PTPRD: variants seen among roughly 807,000 people sequenced by gnomAD.
The protein encoded by PTPRD is receptor-type tyrosine-protein phosphatase delta.
In PTPRD, 34 loss-of-function variants were observed where a neutral mutation model predicts 214.5. That is an observed-to-expected ratio of 0.16 (90% CI 0.12 to 0.21). The LOEUF (loss-of-function observed/expected upper bound fraction) is 0.21. Ranked by LOEUF, PTPRD falls within the 10% of genes least tolerant of loss-of-function variation. The pLI is 1.00. For synonymous variants in PTPRD, 1,128 were observed against 845.7 expected, an observed-to-expected ratio of 1.33 and a Z score of -5.79; for missense variants, 2,545 against 2,398.7, an observed-to-expected ratio of 1.06 and a Z score of -1.27.
intron 5 of PTPRD, among the ~76,000 whole-genome samples, chr9:9,795,219 G>C (rs1430121470): frequency 9.2e-5 from 14 of 152,290 alleles, no homozygotes; most frequent in African/African-American, 2.6e-4. Context: ...CATGTATTTG[G>C]AGATCTGGAT....
At chr9:9,708,183 A>G (rs2097661577) in intron 7 of PTPRD, among the ~76,000 whole-genome samples, 1 of 151,338 alleles carries the variant, frequency 6.6e-6, no homozygotes. Flanking sequence ...TAGAAATAAT[A>G]TGTTTACAGA....
chr9:9,617,338 A>T (rs2094934874), intron 7 of PTPRD, among the ~76,000 whole-genome samples: 1 of 152,170 alleles, frequency 6.6e-6, no homozygotes, highest in African/African-American at 2.4e-5. Context: ...AGAGTTATGA[A>T]AAGATAATGT....
intron 12 of PTPRD, among the ~76,000 whole-genome samples, chr9:8,643,358 GAAGGAAGGAAGGAAGGCAGGAAGA>G (rs1490018468): frequency 3.3e-5 from 5 of 151,548 alleles, no homozygotes; most frequent in Admixed American, 3.3e-4. Context: ...GGGAGGGAGG[GAAGGAAGGAAGGAAGGCAGGAAGA>G]AAGAAAGGAA....
chr9:9,173,886 T>A (rs1231706753), intron 10 of PTPRD, among the ~76,000 whole-genome samples: 1 of 152,142 alleles, frequency 6.6e-6, no homozygotes. Flanking sequence ...TATCCCAATA[T>A]CTGCAGTGTC....
intron 10 of PTPRD, among the ~76,000 whole-genome samples, chr9:9,173,767 T>A (rs556457816): frequency 6.6e-6 from 1 of 152,158 alleles, no homozygotes; most frequent in Non-Finnish European, 1.5e-5. Flanking sequence ...AAAGCATGAC[T>A]CTATTTTAAA....
At chr9:9,467,959 T>G (rs2094330981) in intron 8 of PTPRD, among the ~76,000 whole-genome samples, 1 of 152,170 alleles carries the variant, frequency 6.6e-6, no homozygotes, top group African/African-American at 2.4e-5. Flanking sequence ...TACACATTTT[T>G]TTCCTGTAAT....
At chr9:10,096,852 C>T (rs1421985800) in intron 3 of PTPRD, among the ~76,000 whole-genome samples, 1 of 151,980 alleles carries the variant, frequency 6.6e-6, no homozygotes, top group Non-Finnish European at 1.5e-5. Context: ...AGGTTTTCTT[C>T]TAGGGTTTTT....
intron 11 of PTPRD, among the ~76,000 whole-genome samples, chr9:8,811,383 G>A (rs1465627827): frequency 6.6e-6 from 1 of 152,046 alleles, no homozygotes; most frequent in African/African-American, 2.4e-5. Flanking sequence ...ATGACCTCCA[G>A]CACCTGGGTT....
chr9:10,324,738 C>T (rs925787280), intron 3 of PTPRD, among the ~76,000 whole-genome samples: 8 of 151,934 alleles, frequency 5.3e-5, no homozygotes, highest in African/African-American at 1.9e-4. Flanking sequence ...TTTGTATAAC[C>T]ATTATTAGAT....
chr9:9,426,112 C>T (rs531247582), intron 8 of PTPRD, among the ~76,000 whole-genome samples: 9 of 152,216 alleles, frequency 5.9e-5, no homozygotes, highest in Middle Eastern at 3.4e-3. Context: ...GGTGAGGCAT[C>T]GCCTCACCCG....
intron 3 of PTPRD, among the ~76,000 whole-genome samples, chr9:10,191,680 G>GAA (rs2099364212): frequency 6.6e-6 from 1 of 152,102 alleles, no homozygotes; most frequent in African/African-American, 2.4e-5. Flanking sequence ...GTTGCTTAGT[G>GAA]ACCCTCTCGT....
At chr9:10,599,282 A>G (rs1161376453) in intron 2 of PTPRD, among the ~76,000 whole-genome samples, 6 of 151,782 alleles carry the variant, frequency 4.0e-5, no homozygotes, top group Non-Finnish European at 5.9e-5. Context: ...TTAAATGATT[A>G]TAATTGAGTT....
intron 9 of PTPRD, among the ~76,000 whole-genome samples, chr9:9,379,977 AT>A (rs2061745075): frequency 6.6e-6 from 1 of 151,860 alleles, no homozygotes; most frequent in African/African-American, 2.4e-5. Context: ...CAACAAAGAT[AT>A]TTTCATTTTT....
At chr9:10,481,376 C>T (rs1589141047) in intron 2 of PTPRD, among the ~76,000 whole-genome samples, 1 of 152,118 alleles carries the variant, frequency 6.6e-6, no homozygotes, top group Non-Finnish European at 1.5e-5. Flanking sequence ...ATTCAAATTA[C>T]AGCTAATCTG....
intron 14 of PTPRD, among the ~76,000 whole-genome samples, chr9:8,596,762 T>C (rs1218194493): frequency 6.6e-6 from 1 of 152,132 alleles, no homozygotes; most frequent in Non-Finnish European, 1.5e-5. Context: ...ATTTAATCCT[T>C]ATCTAAGCTA....
intron 8 of PTPRD, among the ~76,000 whole-genome samples, chr9:9,491,622 T>C (rs1287633835): frequency 6.6e-6 from 1 of 151,914 alleles, no homozygotes; most frequent in Non-Finnish European, 1.5e-5. Flanking sequence ...AATTTAGAAG[T>C]TAAAAACACA....
At chr9:10,325,194 T>A (rs988675406) in intron 3 of PTPRD, among the ~76,000 whole-genome samples, 4 of 151,976 alleles carry the variant, frequency 2.6e-5, no homozygotes, top group Non-Finnish European at 4.4e-5. Context: ...AGATTCTGTT[T>A]CAGTAAGTGT....
chr9:10,410,229 G>C (rs536849907), intron 2 of PTPRD, among the ~76,000 whole-genome samples: 1 of 126,720 alleles, frequency 7.9e-6, no homozygotes, highest in East Asian at 2.7e-4. Flanking sequence ...CTAATAACCA[G>C]GTAATTAACT....
intron 3 of PTPRD, among the ~76,000 whole-genome samples, chr9:10,244,170 C>T (rs183452672): frequency 1.1e-3 from 162 of 152,088 alleles, no homozygotes; most frequent in African/African-American, 3.7e-3. Flanking sequence ...TAAAATCAAC[C>T]TGCCTGTGAA....
Sources: allele counts gnomAD v4.1 joint callset (sites outside exome capture counted in the v4.1 genomes callset), GRCh38; gene constraint gnomAD v4.1.1; transcripts MANE v1.5; gene names NCBI Gene and HGNC (gene_info 2026-07-23, HGNC 2026-07-21).